PLXNA2: variants seen among roughly 807,000 people sequenced by gnomAD.
PLXNA2 encodes plexin A2, also known as plexin-A2.
Under a neutral mutation model 193.5 loss-of-function variants are expected in PLXNA2, and 91 were observed. That is an observed-to-expected ratio of 0.47 (90% CI 0.40 to 0.56). PLXNA2 has a LOEUF of 0.56. PLXNA2 is among the 20% of genes least tolerant of loss of function. The pLI is 0.00. For synonymous variants in PLXNA2, 997 were observed against 1,027.3 expected (o/e 0.97, Z 0.56); for missense variants, 1,995 against 2,503.2 (o/e 0.80, Z 4.33).
At chr1:208,109,432 G>T (rs1667390887) in intron 4 of PLXNA2, among the ~76,000 whole-genome samples, 1 of 152,212 alleles carries the variant, frequency 6.6e-6, no homozygotes, top group African/African-American at 2.4e-5. Context: ...GCTGATGGTG[G>T]ATTGAAGAGA....
intron 1 of PLXNA2, among the ~76,000 whole-genome samples, chr1:208,235,667 C>T (rs577734870): frequency 6.6e-6 from 1 of 152,284 alleles, no homozygotes; most frequent in Non-Finnish European, 1.5e-5. Flanking sequence ...AGTGTGAAGG[C>T]AGGCACTTAG....
At chr1:208,062,167 C>T (rs1360849367) in intron 12 of PLXNA2, among the ~76,000 whole-genome samples, 1 of 152,184 alleles carries the variant, frequency 6.6e-6, no homozygotes, top group African/African-American at 2.4e-5. Flanking sequence ...TTTTTGGACA[C>T]TTCTGGACAG....
At chr1:208,106,756 A>G (rs895340620) in intron 4 of PLXNA2, among the ~76,000 whole-genome samples, 3 of 152,248 alleles carry the variant, frequency 2.0e-5, no homozygotes, top group Admixed American at 1.3e-4. Context: ...AAATGTGGCT[A>G]CTAGAAAAGT....
chr1:208,159,294 T>C lies in PLXNA2; in HGVS notation c.1372-16831A>G, dbSNP rs138804809. Among the ~76,000 whole-genome samples, 505 of 152,350 alleles carry C rather than the reference T, an allele frequency of 3.3e-3. 3 individuals are homozygous for C. The highest frequency in any genetic ancestry group is 0.017 in the Middle Eastern group (5 of 294). ...GCTGAAGGTAATGACATTTTGTTTG[T>C]TTCTATCACCTAATTTTTCTTTTTT... On this transcript the variant is annotated intron_variant, in intron 3 of 31. Transcript: ENST00000367033.
chr1:208,205,614 G>C (rs1670693549), intron 3 of PLXNA2, among the ~76,000 whole-genome samples: 1 of 152,214 alleles, frequency 6.6e-6, no homozygotes, highest in South Asian at 2.1e-4. Context: ...GACAGAGCCA[G>C]AGAAACAGTG....
chr1:208,062,369 C>T (rs1665646541), intron 12 of PLXNA2, among the ~76,000 whole-genome samples: 1 of 152,178 alleles, frequency 6.6e-6, no homozygotes, highest in Non-Finnish European at 1.5e-5. Context: ...AATTGTGCTG[C>T]CAATTCAGCC....
chr1:208,064,828 G>C (rs955091296), intron 12 of PLXNA2, among the ~76,000 whole-genome samples: 3 of 152,046 alleles, frequency 2.0e-5, no homozygotes, highest in African/African-American at 7.3e-5. Context: ...GATCTTGCAG[G>C]ACACCACCTT....
chr1:208,234,201 A>G (rs1671779890), intron 1 of PLXNA2, among the ~76,000 whole-genome samples: 1 of 152,040 alleles, frequency 6.6e-6, no homozygotes, highest in Admixed American at 6.5e-5. Context: ...TTGCTGTGTG[A>G]CTCAGGGCAA....
At chr1:208,239,643 G>GAAA (rs1355382399) in intron 1 of PLXNA2, among the ~76,000 whole-genome samples, 2 of 152,210 alleles carry the variant, frequency 1.3e-5, no homozygotes, top group Non-Finnish European at 2.9e-5. Context: ...GAAGCACTAG[G>GAAA]AAAATCCTAG....
chr1:208,076,057 CAAAA>C (rs750601110), intron 12 of PLXNA2, among the ~76,000 whole-genome samples: 4 of 59,296 alleles, frequency 6.7e-5, no homozygotes, highest in Non-Finnish European at 7.2e-5. Context: ...GACCCTGTCT[CAAAA>C]AAAAAAAAAA....
intron 17 of PLXNA2, among the ~76,000 whole-genome samples, chr1:208,048,026 C>T (rs903968623): frequency 1.3e-5 from 2 of 152,160 alleles, no homozygotes; most frequent in African/African-American, 4.8e-5. Flanking sequence ...CCAGGGGGTC[C>T]CAATTCCTGG....
intron 18 of PLXNA2, 38 bp from the exon 19 acceptor site, chr1:208,045,248 C>G (rs373334777): frequency 3.1e-6 from 5 of 1,595,582 alleles, no homozygotes; most frequent in Non-Finnish European, 4.3e-6. Flanking sequence ...ATAATTGACA[C>G]ATGCACGCAC....
chr1:208,105,795 G>A (rs1201579858), intron 4 of PLXNA2, among the ~76,000 whole-genome samples: 1 of 152,196 alleles, frequency 6.6e-6, no homozygotes, highest in African/African-American at 2.4e-5. Context: ...GTGGTCCAGT[G>A]CCTAGCCTCC....
At chr1:208,209,129 C>T (rs1338040515) in intron 3 of PLXNA2, among the ~76,000 whole-genome samples, 1 of 152,174 alleles carries the variant, frequency 6.6e-6, no homozygotes, top group Admixed American at 6.5e-5. Flanking sequence ...GGAACCTCTA[C>T]AGCAAGTGAG....
intron 3 of PLXNA2, among the ~76,000 whole-genome samples, chr1:208,151,422 T>C (rs1481764447): frequency 2.0e-5 from 3 of 152,114 alleles, no homozygotes; most frequent in Non-Finnish European, 2.9e-5. Flanking sequence ...TTCAGGTCTG[T>C]GGGGAGTGCA....
intron 3 of PLXNA2, among the ~76,000 whole-genome samples, chr1:208,150,923 T>C (rs532282704): frequency 6.6e-6 from 1 of 152,306 alleles, no homozygotes. Context: ...CAAGAGCTTA[T>C]GAGAGGTGAA....
Position 208,022,334 on chromosome 1 carries a change from T to C in PLXNA2, c.*4909A>G, listed in dbSNP as rs989437816. The stretch of plus-strand genomic sequence containing the variant: ...GTGTCCTCAGCTTGCAAAATAGGAG[T>C]GTTTCATATTTACAATAGGTACACA... On this transcript the variant is annotated 3_prime_UTR_variant, in exon 32 of 32. Transcript: ENST00000367033. 1.3e-5 allele frequency: 2 copies of C among 152,120 alleles called. No homozygotes were observed. Among genetic ancestry groups the C allele is most frequent in the Non-Finnish European group, 2.9e-5 (2 of 67,956 alleles). 9.4% of individuals were successfully genotyped at this position (152,120 alleles called of 1,614,324 possible).
intron 1 of PLXNA2, among the ~76,000 whole-genome samples, chr1:208,218,807 GCTGC>G (rs1434405069): frequency 1.3e-5 from 2 of 152,360 alleles, no homozygotes; most frequent in Non-Finnish European, 2.9e-5. Context: ...ACGCCCAGCT[GCTGC>G]CAGGTAGCCA....
At chr1:208,032,224 T>C in intron 28 of PLXNA2, 1 of 778,814 alleles carries the variant, frequency 1.3e-6, no homozygotes, top group Middle Eastern at 6.7e-4. Flanking sequence ...CTGAGACAAG[T>C]GGTATCTGGA....
Sources: allele counts gnomAD v4.1 joint callset (sites outside exome capture counted in the v4.1 genomes callset), GRCh38; gene constraint gnomAD v4.1.1; transcripts MANE v1.5; gene names NCBI Gene and HGNC (gene_info 2026-07-23, HGNC 2026-07-21).